Variants in C1GALT1 observed in about 807,000 individuals in gnomAD.
C1GALT1 encodes core 1 synthase, glycoprotein-N-acetylgalactosamine 3-beta-galactosyltransferase 1, also known as glycoprotein-N-acetylgalactosamine 3-beta-galactosyltransferase 1.
C1GALT1 carries 11 observed loss-of-function variants against 31.0 expected under a neutral mutation model. That is an observed-to-expected ratio of 0.36 (90% CI 0.22 to 0.59). The LOEUF is 0.59. Ranked by LOEUF, C1GALT1 falls within the 20% of genes least tolerant of loss-of-function variation. The pLI, the probability that C1GALT1 is intolerant of heterozygous loss-of-function variation, is 0.79. For missense variants in C1GALT1, 424 were observed against 425.2 expected, an observed-to-expected ratio of 1.00 and a Z score of 0.03; for synonymous variants, 175 against 143.6, an observed-to-expected ratio of 1.22 and a Z score of -1.56.
chr7:7,207,787 T>A (rs1404620768), intron 1 of C1GALT1, among the ~76,000 whole-genome samples: 1 of 142,120 alleles, frequency 7.0e-6, no homozygotes, highest in African/African-American at 2.8e-5. Flanking sequence ...GCTTTTTTTC[T>A]TTGTTTTTTT....
intron 3 of C1GALT1, among the ~76,000 whole-genome samples, chr7:7,241,673 A>G (rs529011384): frequency 6.6e-6 from 1 of 152,062 alleles, no homozygotes; most frequent in South Asian, 2.1e-4. Context: ...ACTGATATAT[A>G]TGAAAACTTA....
At chr7:7,174,974 C>G (rs559049815) in intron 2 of C1GALT1, among the ~76,000 whole-genome samples, 4 of 152,028 alleles carry the variant, frequency 2.6e-5, no homozygotes, top group Non-Finnish European at 5.9e-5. Context: ...GGGACAGTTT[C>G]TATCCATTTA....
chr7:7,172,616 A>G (rs12666658), intron 2 of C1GALT1, among the ~76,000 whole-genome samples: 99,383 of 151,894 alleles, frequency 0.65, 33,141 homozygotes, highest in East Asian at 0.96. Flanking sequence ...AGGTCCCTTC[A>G]TCTCTGTAAA....
intron 1 of C1GALT1, among the ~76,000 whole-genome samples, chr7:7,220,812 A>G (rs1324723752): frequency 2.6e-5 from 4 of 152,142 alleles, no homozygotes; most frequent in Non-Finnish European, 5.9e-5. Context: ...GCCCAGCCCA[A>G]AAGTATCTTT....
upstream of C1GALT1, chr7:7,182,514 G>C: frequency 6.6e-6 from 1 of 152,202 alleles, no homozygotes; most frequent in Non-Finnish European, 1.5e-5. Context: ...CCTTCCCTGG[G>C]GCTGGTGCGG....
In C1GALT1 at chr7:7,243,899, T is replaced by G; in HGVS notation, c.*172T>G. ...CTGAAGCTTTAAATGAGCTGTGAAG[T>G]GTGTTAAAATGTGTTTTGATACAGT... On this transcript the variant is annotated 3_prime_UTR_variant, in exon 4 of 4. Coordinates refer to ENST00000436587, the MANE Select transcript of C1GALT1 (RefSeq NM_020156.5). 2.1e-6 allele frequency: 1 copy of G among 480,738 alleles called. No individual in the cohort carries two copies. Among genetic ancestry groups the G allele is most frequent in the Non-Finnish European group, 3.6e-6 (1 of 275,050 alleles). 29.8% of individuals were successfully genotyped at this position (480,738 alleles called of 1,614,324 possible).
At chr7:7,195,340 T>C (rs1170052880) in intron 1 of C1GALT1, among the ~76,000 whole-genome samples, 1 of 152,330 alleles carries the variant, frequency 6.6e-6, no homozygotes, top group African/African-American at 2.4e-5. Context: ...GCACCACTTT[T>C]GCTTTATCCC....
intron 1 of C1GALT1, among the ~76,000 whole-genome samples, chr7:7,208,679 A>T (rs1781861739): frequency 6.6e-6 from 1 of 152,204 alleles, no homozygotes; most frequent in Admixed American, 6.5e-5. Context: ...CAGCCCCTGC[A>T]CCTATATCTT....
chr7:7,222,370 A>G (rs1200894657), intron 1 of C1GALT1, among the ~76,000 whole-genome samples: 1 of 152,210 alleles, frequency 6.6e-6, no homozygotes, highest in East Asian at 1.9e-4. Flanking sequence ...TTCGTCCAGG[A>G]AAGTCTGGAC....
intron 1 of C1GALT1, among the ~76,000 whole-genome samples, chr7:7,231,550 T>A (rs1783074923): frequency 6.6e-6 from 1 of 152,188 alleles, no homozygotes; most frequent in South Asian, 2.1e-4. Flanking sequence ...TGACCTAGCT[T>A]TTTAGGTTAT....
At chr7:7,192,057 G>A (rs1157298985) in intron 1 of C1GALT1, among the ~76,000 whole-genome samples, 1 of 151,944 alleles carries the variant, frequency 6.6e-6, no homozygotes. Flanking sequence ...ATAATGTCAT[G>A]AAGCTCTTTT....
intron 1 of C1GALT1, among the ~76,000 whole-genome samples, chr7:7,221,674 A>C (rs1317047257): frequency 6.6e-6 from 1 of 152,232 alleles, no homozygotes; most frequent in African/African-American, 2.4e-5. Context: ...GGAATTCCAT[A>C]ATGCAAATCC....
chr7:7,197,668 C>T (rs974213252), intron 1 of C1GALT1, among the ~76,000 whole-genome samples: 74 of 152,116 alleles, frequency 4.9e-4, no homozygotes, highest in Non-Finnish European at 9.3e-4. Flanking sequence ...TTCTTCCTAT[C>T]CATGAGCATG....
intron 1 of C1GALT1, among the ~76,000 whole-genome samples, chr7:7,204,196 C>T (rs556407737): frequency 6.7e-6 from 1 of 150,366 alleles, no homozygotes; most frequent in African/African-American, 2.4e-5. Context: ...ACCAGTGAAG[C>T]CATCATGTCC....
At chr7:7,199,690 T>C (rs1781453691) in intron 1 of C1GALT1, among the ~76,000 whole-genome samples, 1 of 152,200 alleles carries the variant, frequency 6.6e-6, no homozygotes, top group Admixed American at 6.5e-5. Flanking sequence ...TCTTTGTTGG[T>C]CTCTAAGGAC....
chr7:7,245,192 G>T lies in C1GALT1; in HGVS notation c.*1465G>T, dbSNP rs749486482. 6.6e-6 allele frequency: 1 copy of T among 152,360 alleles called. No individual in the cohort carries two copies. The highest frequency in any genetic ancestry group is 2.1e-4 in the South Asian group (1 of 4,830). The allele number at this position is 152,360 out of a possible 1,614,324, so 9.4% of individuals were successfully genotyped here. A position where few individuals can be genotyped will look rare whatever the true frequency, so the allele number is the denominator to read the frequency against. On this transcript the variant is annotated 3_prime_UTR_variant, in exon 4 of 4. Coordinates refer to ENST00000436587, the MANE Select transcript of C1GALT1 (RefSeq NM_020156.5). Reference sequence around the variant, plus strand: ...ATCATTATGCCAATTTTACATGGCAGTCATGCCACTGACTCTGCTATTTAG... The same window carrying T: ...ATCATTATGCCAATTTTACATGGCATTCATGCCACTGACTCTGCTATTTAG...
chr7:7,193,930 G>T (rs546419151), intron 1 of C1GALT1, among the ~76,000 whole-genome samples: 44 of 147,778 alleles, frequency 3.0e-4, no homozygotes, highest in Non-Finnish European at 4.0e-4. Context: ...TTTTTTTTTT[G>T]CAGACATAGT....
intron 1 of C1GALT1, among the ~76,000 whole-genome samples, chr7:7,226,618 G>A (rs1258232101): frequency 1.3e-5 from 2 of 152,264 alleles, no homozygotes; most frequent in East Asian, 3.9e-4. Context: ...TTAGGGAGAA[G>A]AAAGTTTGTG....
chr7:7,190,379 A>G (rs1271230017), intron 1 of C1GALT1, among the ~76,000 whole-genome samples: 3 of 152,112 alleles, frequency 2.0e-5, no homozygotes, highest in Non-Finnish European at 4.4e-5. Flanking sequence ...CTGAGTTGCA[A>G]AGTGAGGTTG....
Sources: allele counts gnomAD v4.1 joint callset (sites outside exome capture counted in the v4.1 genomes callset), GRCh38; gene constraint gnomAD v4.1.1; transcripts MANE v1.5; gene names NCBI Gene and HGNC (gene_info 2026-07-23, HGNC 2026-07-21).